Variants in CDH13 observed in about 807,000 individuals in gnomAD.
CDH13 encodes the protein cadherin 13.
A neutral mutation model predicts 63.8 loss-of-function variants in CDH13; 24 were observed. The observed-to-expected ratio is 0.38, with a 90% CI of 0.27 to 0.53. CDH13 has a LOEUF of 0.53. CDH13 is among the 20% of genes least tolerant of loss of function. The pLI is 0.85. For synonymous variants in CDH13, 503 were observed against 355.3 expected (o/e 1.42, Z -4.67); for missense variants, 1,049 against 903.1 (o/e 1.16, Z -2.07).
chr16:83,596,801 G>C (rs1319828899), intron 7 of CDH13, among the ~76,000 whole-genome samples: 1 of 152,132 alleles, frequency 6.6e-6, no homozygotes, highest in African/African-American at 2.4e-5. Context: ...TTCCAAAGGA[G>C]GTTACTTTCA....
Position 83,168,772 on chromosome 16 carries a change from G to A in CDH13, c.483+43271G>A, listed in dbSNP as rs528235314. Among the ~76,000 whole-genome samples, 9 of 152,118 alleles carry A rather than the reference G, an allele frequency of 5.9e-5. No individual in the cohort carries two copies. In the South Asian group the frequency reaches 1.7e-3, roughly 28 times the overall value. Reference sequence around the variant, plus strand: ...ATTCATATGTAAGATTAAACTATATGTTCAAATTGTATTCTGCTTTTTAAA... The same window carrying A: ...ATTCATATGTAAGATTAAACTATATATTCAAATTGTATTCTGCTTTTTAAA... On this transcript the variant is annotated intron_variant, in intron 4 of 13. Transcript: ENST00000567109.
At chr16:83,611,352 G>T (rs867858519) in intron 8 of CDH13, among the ~76,000 whole-genome samples, 1 of 151,984 alleles carries the variant, frequency 6.6e-6, no homozygotes, top group Middle Eastern at 3.4e-3. Context: ...TAATTTCATT[G>T]ATGGATATGA....
intron 2 of CDH13, among the ~76,000 whole-genome samples, chr16:82,932,071 G>A (rs188069917): frequency 2.0e-5 from 3 of 152,124 alleles, no homozygotes; most frequent in African/African-American, 7.2e-5. Flanking sequence ...GAAGAATGTG[G>A]CTTCTTTGCT....
intron 7 of CDH13, among the ~76,000 whole-genome samples, chr16:83,570,069 T>A (rs746912591): frequency 4.6e-5 from 7 of 152,064 alleles, no homozygotes; most frequent in Non-Finnish European, 1.0e-4. Flanking sequence ...CATCATCCAT[T>A]CCCTTTCTCA....
intron 2 of CDH13, among the ~76,000 whole-genome samples, chr16:83,014,888 A>G (rs953263696): frequency 1.4e-5 from 2 of 143,032 alleles, no homozygotes; most frequent in East Asian, 2.0e-4. Flanking sequence ...ATGTTTGTGT[A>G]TATATATATG....
At chr16:82,987,592 G>C (rs1911106537) in intron 2 of CDH13, among the ~76,000 whole-genome samples, 1 of 152,268 alleles carries the variant, frequency 6.6e-6, no homozygotes, top group South Asian at 2.1e-4. Context: ...GACCAGGCTG[G>C]TCTCAAACTC....
chr16:82,933,184 GAA>G lies in CDH13; in HGVS notation c.157+74714_157+74715del, dbSNP rs370436448. Among the ~76,000 whole-genome samples, 21 of 152,222 alleles carry G rather than the reference GAA, an allele frequency of 1.4e-4. 1 individual carries two copies. The East Asian group carries it at 2.3e-3, about 17-fold the overall frequency. ...TACTTCAGACTGGGTCATTTATAAA[GAA>G]AAGAGGTTTTAATTGATTCATGGTT... On this transcript the variant is annotated intron_variant, in intron 2 of 13. Coordinates refer to ENST00000567109, the MANE Select transcript of CDH13 (RefSeq NM_001257.5).
intron 4 of CDH13, among the ~76,000 whole-genome samples, chr16:83,132,084 A>C (rs2036079385): frequency 6.6e-6 from 1 of 152,178 alleles, no homozygotes; most frequent in African/African-American, 2.4e-5. Context: ...ATAGGTGCCA[A>C]GGAGTCTGAT....
intron 5 of CDH13, among the ~76,000 whole-genome samples, chr16:83,249,085 A>G (rs914127371): frequency 6.6e-6 from 1 of 152,210 alleles, no homozygotes; most frequent in African/African-American, 2.4e-5. Flanking sequence ...GAGCAGTACT[A>G]CTAAAACACA....
In CDH13 at chr16:83,344,036, A is replaced by C. The variant is rs552129389; in HGVS notation, c.637-826A>C. Among the ~76,000 whole-genome samples the C allele has an allele frequency of 2.2e-4, 33 of 152,302 alleles. 2 individuals are homozygous for C. Among genetic ancestry groups the C allele is most frequent in the South Asian group, 1.9e-3 (9 of 4,826 alleles). ...ACAGATAGGAAAGAGTTGTACTAGG[A>C]TTCCAAATGCAGATGCCCTTTTCTG... On this transcript the variant is annotated intron_variant, in intron 5 of 13. Coordinates refer to ENST00000567109, the MANE Select transcript of CDH13 (RefSeq NM_001257.5).
chr16:82,702,224 G>A (rs775670829), intron 1 of CDH13, among the ~76,000 whole-genome samples: 6 of 152,092 alleles, frequency 3.9e-5, no homozygotes, highest in Non-Finnish European at 7.4e-5. Context: ...CTCTGTAAAC[G>A]CAGCTCAAAT....
chr16:83,252,785 C>T (rs955022164), intron 5 of CDH13, among the ~76,000 whole-genome samples: 3 of 152,106 alleles, frequency 2.0e-5, no homozygotes, highest in Non-Finnish European at 2.9e-5. Context: ...CCGTTCACAG[C>T]ACAGCCTGCC....
chr16:83,203,808 T>A (rs1391571657), intron 4 of CDH13, among the ~76,000 whole-genome samples: 1 of 152,060 alleles, frequency 6.6e-6, no homozygotes, highest in Admixed American at 6.5e-5. Flanking sequence ...GGAAGTGAAG[T>A]TTGGCAAGTT....
chr16:83,139,176 G>A (rs968275927), intron 4 of CDH13, among the ~76,000 whole-genome samples: 1 of 152,104 alleles, frequency 6.6e-6, no homozygotes, highest in African/African-American at 2.4e-5. Flanking sequence ...GGAGGTGGGC[G>A]AACAGGTTAT....
At chr16:83,008,578 T>G (rs1003821013) in intron 2 of CDH13, among the ~76,000 whole-genome samples, 6 of 152,198 alleles carry the variant, frequency 3.9e-5, no homozygotes, top group Non-Finnish European at 5.9e-5. Flanking sequence ...TAGGTGGTTT[T>G]CAGTAGACGA....
chr16:82,787,664 G>T (rs956885406), intron 1 of CDH13, among the ~76,000 whole-genome samples: 2 of 152,238 alleles, frequency 1.3e-5, no homozygotes, highest in Non-Finnish European at 2.9e-5. Context: ...GTTGCCCAGA[G>T]AGGTGAATGG....
intron 1 of CDH13, among the ~76,000 whole-genome samples, chr16:82,811,480 T>G (rs900039739): frequency 1.3e-5 from 2 of 152,190 alleles, no homozygotes; most frequent in Non-Finnish European, 1.5e-5. Context: ...TTCCTATAAC[T>G]GGTGACAAAC....
At chr16:82,818,139 T>G (rs1232449182) in intron 1 of CDH13, among the ~76,000 whole-genome samples, 2 of 151,348 alleles carry the variant, frequency 1.3e-5, no homozygotes, top group Non-Finnish European at 2.9e-5. Context: ...TGTGTGTGTG[T>G]TTTGGGAAGA....
chr16:83,729,052 A>T lies in CDH13; in HGVS notation c.1539-19056A>T, dbSNP rs1459346298. On this transcript the variant is annotated intron_variant, in intron 10 of 13. Coordinates refer to ENST00000567109, the MANE Select transcript of CDH13 (RefSeq NM_001257.5). ...AGGGTCTCCTTTTATAAGGATCCTC[A>T]TCCTATCAGATCAGAGCTCCATCCT... The T allele has an allele frequency of 4.6e-5, 7 of 152,196 alleles. No individual in the cohort carries two copies. The East Asian group carries it at 1.4e-3, about 29-fold the overall frequency. The allele number at this position is 152,196 out of a possible 1,614,324, so 9.4% of individuals were successfully genotyped here. A position where few individuals can be genotyped will look rare whatever the true frequency, so the allele number is the denominator to read the frequency against.
Sources: allele counts gnomAD v4.1 joint callset (sites outside exome capture counted in the v4.1 genomes callset), GRCh38; gene constraint gnomAD v4.1.1; transcripts MANE v1.5; gene names NCBI Gene and HGNC (gene_info 2026-07-23, HGNC 2026-07-21).